FRAS1: variants seen among roughly 807,000 people sequenced by gnomAD.
The protein encoded by FRAS1 is extracellular matrix organizing protein FRAS1.
FRAS1 carries 290 observed loss-of-function variants against 435.2 expected under a neutral mutation model. The observed-to-expected ratio is 0.67, with a 90% CI of 0.61 to 0.73. The LOEUF is 0.73. Ranked by LOEUF, FRAS1 falls within the 30% of genes least tolerant of loss-of-function variation. The probability of loss-of-function intolerance (pLI) is 0.00; values close to 1 mark genes in which losing one functional copy is unlikely to be tolerated. For missense variants in FRAS1, 4,860 were observed against 5,001.5 expected, an observed-to-expected ratio of 0.97 and a Z score of 0.85; for synonymous variants, 1,800 against 1,851.0, an observed-to-expected ratio of 0.97 and a Z score of 0.71.
intron 2 of FRAS1, among the ~76,000 whole-genome samples, chr4:78,219,285 A>G (rs532511118): frequency 6.6e-6 from 1 of 152,312 alleles, no homozygotes; most frequent in African/African-American, 2.4e-5. Context: ...TAGCAAATGA[A>G]TTCTATTTGA....
In FRAS1 at chr4:78,451,889, T is replaced by C. The variant is rs1401280690; in HGVS notation, c.6581T>C (p.Leu2194Pro). 3.1e-6 allele frequency: 5 copies of C among 1,610,504 alleles called. No homozygotes were observed. Among genetic ancestry groups the C allele is most frequent in the Non-Finnish European group, 4.2e-6 (5 of 1,178,430 alleles). ...GACAAGTCATTTTCCATCAGCATTCTAGGTAAAGAGACATTTGATTTTCTA... is the reference window on the plus strand; with the variant it reads ...GACAAGTCATTTTCCATCAGCATTCCAGGTAAAGAGACATTTGATTTTCTA... ...LIDKSFSISI[L>P]EDKSPPVITT... The change falls in exon 46 of 74, where the codon CTA becomes CCA. Residue 2194 changes from leucine to proline, a missense_variant and splice_region_variant. Leu to Pro is a moderately conservative substitution (Grantham distance 98). Transcript: ENST00000512123.
chr4:78,515,810 C>G lies in FRAS1; in HGVS notation c.10186C>G (p.Leu3396Val), dbSNP rs756145846. 1.2e-6 allele frequency: 2 copies of G among 1,613,798 alleles called. No homozygotes were observed. Among genetic ancestry groups the G allele is most frequent in the South Asian group, 2.2e-5 (2 of 91,038 alleles). ...TCCCTCCCTGGCAGAGGCAGGGTTC[C>G]TGGATGATGTGGTCTATGATAGCAC... ...DLRGISEAGF[L>V]DDVVYDSTAL... Residue 3396 changes from leucine (L) to valine (V), a missense_variant, in exon 66 of 74, where the codon CTG becomes GTG. Leu to Val is a conservative substitution (Grantham distance 32). Coordinates refer to ENST00000512123, the MANE Select transcript of FRAS1 (RefSeq NM_025074.7).
chr4:78,308,858 A>G (rs974132570), intron 15 of FRAS1, among the ~76,000 whole-genome samples: 1 of 152,240 alleles, frequency 6.6e-6, no homozygotes, highest in Non-Finnish European at 1.5e-5. Context: ...AACGGGGATA[A>G]TAGTAGCACC....
Position 78,369,228 on chromosome 4 carries a change from T to C in FRAS1, c.2723-610T>C, listed in dbSNP as rs879546657. On this transcript the variant is annotated intron_variant, in intron 22 of 73. Transcript: ENST00000512123. ...AGGTGTCAAGATAGACTTGGAGGTT[T>C]CTGGCATGAACAACTGTGTAGATGG... Among the ~76,000 whole-genome samples the C allele has an allele frequency of 8.1e-4, 123 of 152,202 alleles. 6 individuals carry two copies. The highest frequency in any genetic ancestry group is 5.7e-4 in the Non-Finnish European group (39 of 68,030).
At chr4:78,220,238 T>C (rs1030448093) in intron 2 of FRAS1, among the ~76,000 whole-genome samples, 2 of 152,254 alleles carry the variant, frequency 1.3e-5, no homozygotes, top group African/African-American at 4.8e-5. Flanking sequence ...GGACTATAGC[T>C]TGTGGGCCAA....
intron 51 of FRAS1, among the ~76,000 whole-genome samples, chr4:78,470,293 AGATGCTCTTTGAAAAGACCCCAAAAT>A (rs1719663096): frequency 6.6e-6 from 1 of 152,226 alleles, no homozygotes; most frequent in African/African-American, 2.4e-5. Context: ...GTATAGTTTA[AGATGCTCTTTGAAAAGACCCCAAAAT>A]ATAGTAGGTC....
At chr4:78,301,180 T>C (rs1728374705) in intron 14 of FRAS1, among the ~76,000 whole-genome samples, 2 of 152,324 alleles carry the variant, frequency 1.3e-5, no homozygotes, top group South Asian at 2.1e-4. Context: ...TCATTCTACC[T>C]ACCAATTTTG....
At chr4:78,512,249 C>A (rs989025940) in intron 64 of FRAS1, among the ~76,000 whole-genome samples, 1 of 152,044 alleles carries the variant, frequency 6.6e-6, no homozygotes, top group Non-Finnish European at 1.5e-5. Flanking sequence ...TAAGTGTGTG[C>A]CTTTATGAAC....
At chr4:78,490,921 A>T (rs1265986422) in intron 59 of FRAS1, among the ~76,000 whole-genome samples, 1 of 152,192 alleles carries the variant, frequency 6.6e-6, no homozygotes, top group African/African-American at 2.4e-5. Flanking sequence ...CAGACTAATA[A>T]AGAAGAAAAG....
chr4:78,284,562 T>C lies in FRAS1; in HGVS notation c.1399+14T>C. On this transcript the variant is annotated intron_variant, in intron 13 of 73. Transcript: ENST00000512123. ...GTCTCTGTTTAGGTATGGCTCCAAG[T>C]GGACAACCCAGAGGTGGTGGTGTGT... 1.2e-6 allele frequency: 2 copies of C among 1,605,424 alleles called. No homozygotes were observed. Among genetic ancestry groups the C allele is most frequent in the African/African-American group, 2.7e-5 (2 of 74,676 alleles).
At chr4:78,101,687 CATATT>C (rs1323772730) in intron 2 of FRAS1, among the ~76,000 whole-genome samples, 1 of 152,116 alleles carries the variant, frequency 6.6e-6, no homozygotes, top group African/African-American at 2.4e-5. Flanking sequence ...TTTCTAATAA[CATATT>C]ATATTTTAGA....
chr4:78,522,957 T>C (rs1337487667), intron 69 of FRAS1, 149 bp downstream of exon 69: 1 of 775,218 alleles, frequency 1.3e-6, no homozygotes, highest in Non-Finnish European at 1.9e-6. Flanking sequence ...GGAGTAGTGG[T>C]GCTAGCTGGT....
At chr4:78,500,712 C>G (rs1286715099) in intron 61 of FRAS1, among the ~76,000 whole-genome samples, 1 of 152,064 alleles carries the variant, frequency 6.6e-6, no homozygotes, top group Non-Finnish European at 1.5e-5. Context: ...TATTTTCTCT[C>G]CCCTCACCAG....
intron 29 of FRAS1, among the ~76,000 whole-genome samples, chr4:78,391,837 T>C (rs1732456350): frequency 6.6e-6 from 1 of 152,176 alleles, no homozygotes; most frequent in South Asian, 2.1e-4. Context: ...TGCCTACCTC[T>C]CATTGGTTGT....
intron 2 of FRAS1, 146 bp from the exon 3 acceptor site, chr4:78,237,364 G>A (rs1578200391): frequency 3.6e-6 from 2 of 561,104 alleles, no homozygotes; most frequent in Non-Finnish European, 6.4e-6. Flanking sequence ...GGTTTAATCA[G>A]TGCCCAGCAA....
intron 53 of FRAS1, 55 bp from the exon 54 acceptor site, chr4:78,475,383 G>C (rs1225145575): frequency 1.3e-5 from 21 of 1,600,944 alleles, no homozygotes; most frequent in East Asian, 8.9e-5. Context: ...TAAACAAGTT[G>C]TTTTTTCATA....
chr4:78,180,616 A>C (rs529922274), intron 2 of FRAS1, among the ~76,000 whole-genome samples: 2 of 152,222 alleles, frequency 1.3e-5, no homozygotes, highest in African/African-American at 4.8e-5. Context: ...AAGAATGCAT[A>C]ATCTCTGAAA....
chr4:78,416,313 AAG>A (rs1553957480), intron 32 of FRAS1, among the ~76,000 whole-genome samples: 2 of 152,024 alleles, frequency 1.3e-5, no homozygotes, highest in Non-Finnish European at 2.9e-5. Context: ...GAGAGGGAGA[AAG>A]GGGGAGTTGT....
chr4:78,506,174 G>A (rs1362814646), intron 61 of FRAS1, among the ~76,000 whole-genome samples: 3 of 152,230 alleles, frequency 2.0e-5, no homozygotes, highest in Non-Finnish European at 2.9e-5. Flanking sequence ...CTGCCACTGG[G>A]AGATGTCTCC....
Sources: allele counts gnomAD v4.1 joint callset (sites outside exome capture counted in the v4.1 genomes callset), GRCh38; gene constraint gnomAD v4.1.1; transcripts MANE v1.5; gene names NCBI Gene and HGNC (gene_info 2026-07-23, HGNC 2026-07-21).